Variants in PCDHGA5 observed in about 807,000 individuals in gnomAD.
The protein encoded by PCDHGA5 is protocadherin gamma subfamily A, 5.
Under a neutral mutation model 56.7 loss-of-function variants are expected in PCDHGA5, and 36 were observed. The observed-to-expected ratio is 0.64, with a 90% CI of 0.49 to 0.84. The LOEUF is 0.84. Among genes scored for constraint, PCDHGA5 ranks in the 40% least tolerant of loss-of-function variants. The pLI, the probability that PCDHGA5 is intolerant of heterozygous loss-of-function variation, is 0.00. For missense variants in PCDHGA5, 1,305 were observed against 1,201.5 expected (o/e 1.09, Z -1.27); for synonymous variants, 563 against 520.2 (o/e 1.08, Z -1.12).
chr5:141,367,678 G>A (rs1215387701), intron 1 of PCDHGA5: 1 of 152,144 alleles, frequency 6.6e-6, no homozygotes, highest in Non-Finnish European at 1.5e-5. Context: ...GGCTTGTTGA[G>A]AGAAGAAATC....
intron 1 of PCDHGA5, among the ~76,000 whole-genome samples, chr5:141,463,809 T>G (rs964935762): frequency 1.3e-5 from 2 of 152,216 alleles, no homozygotes; most frequent in African/African-American, 4.8e-5. Context: ...TAAAAGCTTT[T>G]ATCACACATT....
intron 1 of PCDHGA5, chr5:141,421,983 T>G: frequency 6.2e-7 from 1 of 1,609,228 alleles, no homozygotes; most frequent in Non-Finnish European, 8.5e-7. Context: ...GCGTGAGTGT[T>G]CCAGAAAACA....
chr5:141,371,546 C>T, intron 1 of PCDHGA5: 1 of 1,613,690 alleles, frequency 6.2e-7, no homozygotes, highest in Non-Finnish European at 8.5e-7. Flanking sequence ...AAATCCTATG[C>T]CAACTAAAAG....
chr5:141,423,594 C>A, intron 1 of PCDHGA5: 1 of 1,599,308 alleles, frequency 6.3e-7, no homozygotes, highest in South Asian at 1.1e-5. Context: ...GTGAGAAAAG[C>A]GAGCCACTCT....
chr5:141,420,454 TATTCAAAGAC>T, intron 1 of PCDHGA5: 1 of 968,104 alleles, frequency 1.0e-6, no homozygotes, highest in Admixed American at 3.7e-5. Context: ...GTCTTCCTAC[TATTCAAAGAC>T]ATTTTAAAGC....
chr5:141,453,302 T>C (rs189741118), intron 1 of PCDHGA5, among the ~76,000 whole-genome samples: 18 of 152,008 alleles, frequency 1.2e-4, no homozygotes, highest in Middle Eastern at 6.8e-3. Flanking sequence ...TTTATTTATT[T>C]ATTTATTTAT....
chr5:141,427,924 G>T, intron 1 of PCDHGA5: 1 of 1,580,140 alleles, frequency 6.3e-7, no homozygotes, highest in Non-Finnish European at 8.7e-7. Flanking sequence ...ATGAGCCGGC[G>T]CATGTTGGTG....
At position 141,512,047 on chromosome 5, in the gene PCDHGA5, C is replaced by T. The variant is rs1183612907; in HGVS notation, c.*874C>T. 1 of 152,722 alleles carries T rather than the reference C, an allele frequency of 6.5e-6. No individual in the cohort carries two copies. The highest frequency in any genetic ancestry group is 1.5e-5 in the Non-Finnish European group (1 of 68,120). The allele number at this position is 152,722 out of a possible 1,614,324, so 9.5% of individuals were successfully genotyped here. A position where few individuals can be genotyped will look rare whatever the true frequency, so the allele number is the denominator to read the frequency against. On this transcript the variant is annotated 3_prime_UTR_variant, in exon 4 of 4. Coordinates refer to ENST00000518069, the MANE Select transcript of PCDHGA5 (RefSeq NM_018918.3). The stretch of plus-strand genomic sequence containing the variant: ...CCTTGGAGGAGGCTCTGTATGTCCT[C>T]AGGGGACTGACAACATCCTCCAGAT...
rs370582023 is a variant in PCDHGA5 at position 141,372,189 on chromosome 5, G to A, written c.2421+5438G>A. ...GGTGGTGGCGGTGGACGCAGACTCG[G>A]GATACAACGCCTGGCTGTCCTACCA... On this transcript the variant is annotated intron_variant, in intron 1 of 3. Transcript: ENST00000518069. 3.7e-6 allele frequency: 6 copies of A among 1,613,500 alleles called. No homozygotes were observed. The African/African-American group carries it at 4.0e-5, about 11-fold the overall frequency.
At chr5:141,408,702 T>C (rs769871063) in intron 1 of PCDHGA5, 6 of 1,613,208 alleles carry the variant, frequency 3.7e-6, no homozygotes, top group South Asian at 3.3e-5. Flanking sequence ...ATAAACTCAA[T>C]TAAAGATTAT....
At position 141,389,707 on chromosome 5, in the gene PCDHGA5, A is replaced by G; in HGVS notation, c.2421+22956A>G. 1 of 1,612,620 alleles carries G rather than the reference A, an allele frequency of 6.2e-7. No homozygotes were observed. Among genetic ancestry groups the G allele is most frequent in the African/African-American group, 1.3e-5 (1 of 75,046 alleles). The stretch of plus-strand genomic sequence containing the variant: ...GCCTGGCTGTCCTACCACGTGCTGC[A>G]GGCTAGCGAGCCCGGGCTCTTCAGC... On this transcript the variant is annotated intron_variant, in intron 1 of 3. Coordinates refer to ENST00000518069, the MANE Select transcript of PCDHGA5 (RefSeq NM_018918.3).
intron 1 of PCDHGA5, among the ~76,000 whole-genome samples, chr5:141,451,298 C>T (rs1221562397): frequency 6.6e-6 from 1 of 152,206 alleles, no homozygotes; most frequent in African/African-American, 2.4e-5. Context: ...CAAAGTCTTA[C>T]AAGGCAGCAA....
At chr5:141,389,893 T>TGCCGGATATCACTGACC in intron 1 of PCDHGA5, 1 of 1,614,094 alleles carries the variant, frequency 6.2e-7, no homozygotes, top group Non-Finnish European at 8.5e-7. Context: ...CAGGAGGTGC[T>TGCCGGATATCACTGACC]GCCGGATATC....
intron 1 of PCDHGA5, among the ~76,000 whole-genome samples, chr5:141,482,412 T>C (rs2099559037): frequency 6.6e-6 from 1 of 151,636 alleles, no homozygotes; most frequent in Non-Finnish European, 1.5e-5. Context: ...TAACTATTTG[T>C]TGAACTAAAA....
At chr5:141,384,149 T>A in intron 1 of PCDHGA5, 1 of 1,613,370 alleles carries the variant, frequency 6.2e-7, no homozygotes, top group Non-Finnish European at 8.5e-7. Flanking sequence ...ACACTCTCTT[T>A]GTATAACATC....
rs186469397 is a variant in PCDHGA5 at position 141,376,362 on chromosome 5, C to G, written c.2421+9611C>G. ...ACCTATTCCCACGAGGTCTCACTCA[C>G]TGCAGACTCGCGTAAGAGTCATCTG... On this transcript the variant is annotated intron_variant, in intron 1 of 3. Transcript: ENST00000518069. 5.1e-3 allele frequency: 8,179 copies of G among 1,614,250 alleles called. 35 individuals carry two copies. The highest frequency in any genetic ancestry group is 6.1e-3 in the Non-Finnish European group (7,170 of 1,180,044).
chr5:141,400,236 G>C (rs1195592972), intron 1 of PCDHGA5: 6 of 1,613,868 alleles, frequency 3.7e-6, no homozygotes, highest in African/African-American at 1.3e-5. Flanking sequence ...TCCTGGCCGT[G>C]ATTCTGGCCG....
chr5:141,386,521 A>AG (rs1458324675), intron 1 of PCDHGA5, among the ~76,000 whole-genome samples: 1 of 232 alleles, frequency 4.3e-3, no homozygotes, highest in Non-Finnish European at 0.011. Context: ...TCAAAAAAAG[A>AG]CTCTTTTTAG....
chr5:141,498,673 T>C (rs1158071657), intron 2 of PCDHGA5, among the ~76,000 whole-genome samples: 1 of 152,180 alleles, frequency 6.6e-6, no homozygotes, highest in Non-Finnish European at 1.5e-5. Flanking sequence ...GGCTCACGCC[T>C]GTAATCCCAG....
Sources: gnomAD v4.1 joint callset for allele counts (sites outside exome capture counted in the v4.1 genomes callset) on GRCh38, gnomAD v4.1.1 for gene constraint, MANE v1.5 for transcripts, NCBI Gene and HGNC (gene_info 2026-07-23, HGNC 2026-07-21) for gene names.